The following PHF14 variants were observed in gnomAD, a reference collection of about 807,000 sequenced individuals.
PHF14 encodes PHD finger protein 14.
In PHF14, 55 loss-of-function variants were observed where a neutral mutation model predicts 117.9. The observed-to-expected ratio is 0.47, with a 90% CI of 0.38 to 0.58. The LOEUF is 0.58. Ranked by LOEUF, PHF14 falls within the 20% of genes least tolerant of loss-of-function variation. The pLI is 0.00. For synonymous variants in PHF14, 409 were observed against 368.6 expected (o/e 1.11, Z -1.26); for missense variants, 978 against 1,122.2 (o/e 0.87, Z 1.84).
At chr7:11,012,792 A>G (rs1783397978) in intron 4 of PHF14, among the ~76,000 whole-genome samples, 1 of 152,212 alleles carries the variant, frequency 6.6e-6, no homozygotes, top group African/African-American at 2.4e-5. Flanking sequence ...CATCCATTTC[A>G]GTTATAGACA....
rs547934681 is a variant in PHF14 at position 11,042,825 on chromosome 7, T to C, written c.2312+11T>C. Reference sequence around the variant, plus strand: ...CAAAAACAGTTATTGGTGAGTAAAATAGAGGAGATTTAGATGTTTGAATTG... The same window carrying C: ...CAAAAACAGTTATTGGTGAGTAAAACAGAGGAGATTTAGATGTTTGAATTG... On this transcript the variant is annotated intron_variant, in intron 13 of 17. Transcript: ENST00000634607. The C allele has an allele frequency of 9.7e-6, 15 of 1,543,036 alleles. No homozygotes were observed. In the East Asian group the frequency reaches 1.2e-4, roughly 12 times the overall value.
chr7:11,045,878 C>G (rs1467754407), intron 13 of PHF14, among the ~76,000 whole-genome samples: 1 of 152,174 alleles, frequency 6.6e-6, no homozygotes, highest in African/African-American at 2.4e-5. Flanking sequence ...GTGGAAAAAT[C>G]AAACTGACTT....
intron 16 of PHF14, chr7:11,103,867 T>C: frequency 1.0e-6 from 1 of 981,666 alleles, no homozygotes; most frequent in Non-Finnish European, 1.2e-6. Flanking sequence ...TTGAAAGATC[T>C]CATAACATTG....
chr7:11,148,181 C>T (rs1263424426), intron 17 of PHF14, among the ~76,000 whole-genome samples: 3 of 152,090 alleles, frequency 2.0e-5, no homozygotes, highest in Non-Finnish European at 4.4e-5. Flanking sequence ...TAATTTCTAC[C>T]CATCTTTCTC....
chr7:11,004,885 A>T (rs1379668646), intron 4 of PHF14, among the ~76,000 whole-genome samples: 1 of 151,896 alleles, frequency 6.6e-6, no homozygotes, highest in Non-Finnish European at 1.5e-5. Context: ...AAAATACAAA[A>T]ATTAGCCTGT....
intron 14 of PHF14, among the ~76,000 whole-genome samples, chr7:11,055,392 G>T (rs1188054973): frequency 1.3e-5 from 2 of 152,024 alleles, no homozygotes; most frequent in African/African-American, 4.8e-5. Context: ...AGGACTTGTT[G>T]GGACCTCTCT....
intron 5 of PHF14, among the ~76,000 whole-genome samples, chr7:11,018,771 G>A (rs1783619964): frequency 6.6e-6 from 1 of 152,120 alleles, no homozygotes; most frequent in Non-Finnish European, 1.5e-5. Flanking sequence ...AGGGCTTCCA[G>A]TACTATGTTG....
At chr7:11,044,966 T>A (rs1784618632) in intron 13 of PHF14, among the ~76,000 whole-genome samples, 1 of 152,156 alleles carries the variant, frequency 6.6e-6, no homozygotes, top group Admixed American at 6.5e-5. Flanking sequence ...GTAATGTCAG[T>A]GCTCAAAAAA....
chr7:11,020,752 A>G (rs976733655), intron 5 of PHF14, among the ~76,000 whole-genome samples: 2 of 152,072 alleles, frequency 1.3e-5, no homozygotes, highest in East Asian at 1.9e-4. Context: ...GACTTGTTAT[A>G]TTTGAAAATC....
At chr7:11,109,092 C>T (rs1400188436) in intron 16 of PHF14, 1 of 151,734 alleles carries the variant, frequency 6.6e-6, no homozygotes, top group Admixed American at 6.6e-5. Context: ...TTACTTAACT[C>T]AGTAGCAATT....
In PHF14 at chr7:11,142,303, T is replaced by C. The variant is rs114952329; in HGVS notation, c.2773-27113T>C. On this transcript the variant is annotated intron_variant, in intron 17 of 17. Coordinates refer to ENST00000634607, the MANE Select transcript of PHF14 (RefSeq NM_001007157.2). ...TACATGATGCCCTTTTCTGTTCTTATAGTGATACACATAGCAATTATTCAC... is the reference window on the plus strand; with the variant it reads ...TACATGATGCCCTTTTCTGTTCTTACAGTGATACACATAGCAATTATTCAC... Among the ~76,000 whole-genome samples the C allele has an allele frequency of 5.4e-3, 826 of 152,222 alleles. 5 individuals are homozygous for C. The highest frequency in any genetic ancestry group is 0.019 in the African/African-American group (783 of 41,574).
At chr7:11,049,190 G>C (rs181137813) in intron 13 of PHF14, among the ~76,000 whole-genome samples, 4 of 152,136 alleles carry the variant, frequency 2.6e-5, no homozygotes. Context: ...AAGTAAATTA[G>C]AGCCTGGCGC....
chr7:11,047,838 G>A (rs1312955797), intron 13 of PHF14, among the ~76,000 whole-genome samples: 1 of 101,720 alleles, frequency 9.8e-6, no homozygotes, highest in African/African-American at 3.9e-5. Context: ...AAGAAGGAAG[G>A]AAAGAAGGGA....
At chr7:11,168,019 C>CAAAAAA (rs35327585) in intron 17 of PHF14, among the ~76,000 whole-genome samples, 1 of 122,596 alleles carries the variant, frequency 8.2e-6, no homozygotes. Flanking sequence ...GAGTCCGTCT[C>CAAAAAA]AAAAAAAAAA....
intron 3 of PHF14, among the ~76,000 whole-genome samples, chr7:10,986,494 A>G (rs1782231229): frequency 6.6e-6 from 1 of 152,112 alleles, no homozygotes; most frequent in Non-Finnish European, 1.5e-5. Flanking sequence ...AACTGCCTTT[A>G]CCTTTTATAC....
chr7:11,009,148 C>G (rs1783248937), intron 4 of PHF14, among the ~76,000 whole-genome samples: 1 of 151,796 alleles, frequency 6.6e-6, no homozygotes, highest in Non-Finnish European at 1.5e-5. Context: ...TTTTATATAC[C>G]TGTTTTATAT....
chr7:11,013,969 C>T (rs1251530435), intron 5 of PHF14, 63 bp downstream of exon 5: 8 of 1,063,436 alleles, frequency 7.5e-6, no homozygotes, highest in Non-Finnish European at 1.1e-5. Flanking sequence ...TTTGACTTCC[C>T]TGTTCTTCTG....
chr7:11,115,404 G>A (rs1787566968), intron 17 of PHF14, among the ~76,000 whole-genome samples: 1 of 151,898 alleles, frequency 6.6e-6, no homozygotes, highest in South Asian at 2.1e-4. Context: ...TCATGTTTGA[G>A]TCTATTTTCA....
chr7:11,156,832 CTTAAGT>C (rs537222219), intron 17 of PHF14, among the ~76,000 whole-genome samples: 2 of 152,102 alleles, frequency 1.3e-5, no homozygotes, highest in South Asian at 4.2e-4. Context: ...ACTTTCTACA[CTTAAGT>C]TTATTTCCAA....
Sources: gnomAD v4.1 joint callset for allele counts (sites outside exome capture counted in the v4.1 genomes callset) on GRCh38, gnomAD v4.1.1 for gene constraint, MANE v1.5 for transcripts, NCBI Gene and HGNC (gene_info 2026-07-23, HGNC 2026-07-21) for gene names.